PAWR: variants seen among roughly 807,000 people sequenced by gnomAD.
PAWR encodes pro-apoptotic WT1 regulator, also known as PRKC apoptosis WT1 regulator protein.
In PAWR, 23 loss-of-function variants were observed where a neutral mutation model predicts 32.0. The ratio of observed to expected loss-of-function variants is 0.72; its 90% CI spans 0.52 to 1.02. PAWR has a LOEUF of 1.02. Ranked by LOEUF, PAWR falls within the 50% of genes least tolerant of loss-of-function variation. PAWR has a pLI of 0.00. For missense variants in PAWR, 457 were observed against 437.7 expected (o/e 1.04, Z -0.39); for synonymous variants, 226 against 187.1 (o/e 1.21, Z -1.70).
Position 79,690,069 on chromosome 12 carries a change from C to T in PAWR, c.176G>A (p.Gly59Asp). 7.1e-7 allele frequency: 1 copy of T among 1,405,716 alleles called. No individual in the cohort carries two copies. The allele number at this position is 1,405,716 out of a possible 1,614,324, so 87.1% of individuals were successfully genotyped here. A position where few individuals can be genotyped will look rare whatever the true frequency, so the allele number is the denominator to read the frequency against. Reference protein sequence around the residue: ...AAGKPPAGALGTPAAAAANEL... With the variant: ...AAGKPPAGALDTPAAAAANEL... ...GTTGGCAGCGGCGGCCGCCGGGGTG[C>T]CCAGAGCCCCCGCGGGGGGCTTCCC... Residue 59 changes from glycine (G) to aspartate (D), a missense_variant, in exon 2 of 7, where the codon GGC (glycine) becomes GAC (aspartate). Coordinates refer to ENST00000328827, the MANE Select transcript of PAWR (RefSeq NM_002583.4).
chr12:79,603,101 A>G (rs1874025480), intron 4 of PAWR, among the ~76,000 whole-genome samples: 1 of 151,990 alleles, frequency 6.6e-6, no homozygotes. Flanking sequence ...ATAAAAAATT[A>G]GTCAGGCATG....
At position 79,590,856 on chromosome 12, in the gene PAWR, G is replaced by A. The variant is rs1236187085; in HGVS notation, c.*1751C>T. The A allele has an allele frequency of 6.6e-6, 1 of 152,110 alleles. No individual in the cohort carries two copies. The highest frequency in any genetic ancestry group is 6.6e-5 in the Admixed American group (1 of 15,264). 9.4% of individuals were successfully genotyped at this position (152,110 alleles called of 1,614,324 possible). A position where few individuals can be genotyped will look rare whatever the true frequency, so the allele number is the denominator to read the frequency against. Reference sequence around the variant, plus strand: ...GTAATTCTGTAACTATATTAAATTTGGTAATCTAACATTAAACTTTTTCGT... The same window carrying A: ...GTAATTCTGTAACTATATTAAATTTAGTAATCTAACATTAAACTTTTTCGT... On this transcript the variant is annotated 3_prime_UTR_variant, in exon 7 of 7. Transcript: ENST00000328827.
chr12:79,593,179 G>A (rs1313279622), intron 6 of PAWR, among the ~76,000 whole-genome samples: 1 of 152,102 alleles, frequency 6.6e-6, no homozygotes, highest in African/African-American at 2.4e-5. Flanking sequence ...GTGTACAATG[G>A]GGATAACACT....
At chr12:79,679,804 C>T (rs1432631851) in intron 2 of PAWR, among the ~76,000 whole-genome samples, 1 of 152,116 alleles carries the variant, frequency 6.6e-6, no homozygotes, top group African/African-American at 2.4e-5. Flanking sequence ...AACACTTTTC[C>T]AGCTCAAAAC....
At chr12:79,624,403 C>G (rs1875178274) in intron 2 of PAWR, among the ~76,000 whole-genome samples, 1 of 152,108 alleles carries the variant, frequency 6.6e-6, no homozygotes, top group South Asian at 2.1e-4. Context: ...GACAAATCAT[C>G]TTGGAGATGA....
In PAWR at chr12:79,689,588, C is replaced by T. The variant is rs181370700; in HGVS notation, c.516+141G>A. ...TTGTTCAGAGTAAAACTCCATCACC[C>T]CCTGCCTGCCTAACTCGGTGAAGGG... On this transcript the variant is annotated intron_variant, in intron 2 of 6. Transcript: ENST00000328827. The T allele has an allele frequency of 3.7e-4, 340 of 914,446 alleles. No individual in the cohort carries two copies. The African/African-American group carries it at 5.3e-3, about 14-fold the overall frequency. The allele number at this position is 914,446 out of a possible 1,614,324, so 56.6% of individuals were successfully genotyped here.
At chr12:79,661,922 A>G (rs1408767936) in intron 2 of PAWR, among the ~76,000 whole-genome samples, 2 of 152,150 alleles carry the variant, frequency 1.3e-5, no homozygotes, top group African/African-American at 4.8e-5. Context: ...AAAAATAAAT[A>G]AAAACATCTC....
At chr12:79,602,538 A>T (rs1024760281) in intron 4 of PAWR, among the ~76,000 whole-genome samples, 8 of 152,314 alleles carry the variant, frequency 5.3e-5, no homozygotes, top group African/African-American at 1.9e-4. Context: ...TAAACTCAAC[A>T]AGGCTTGGTG....
At chr12:79,597,367 A>G (rs1873803207) in intron 4 of PAWR, among the ~76,000 whole-genome samples, 1 of 152,166 alleles carries the variant, frequency 6.6e-6, no homozygotes, top group South Asian at 2.1e-4. Flanking sequence ...CCTGGCCTAG[A>G]TCGCCCAGAC....
chr12:79,594,461 T>A, intron 5 of PAWR, 28 bp from the exon 6 acceptor site: 1 of 1,053,676 alleles, frequency 9.5e-7, no homozygotes, highest in Non-Finnish European at 1.4e-6. Context: ...AAACCAGTAA[T>A]TAGGAAGTAA....
chr12:79,660,170 T>C lies in PAWR; in HGVS notation c.516+29559A>G, dbSNP rs138065108. Among the ~76,000 whole-genome samples, 323 of 152,310 alleles carry C rather than the reference T, an allele frequency of 2.1e-3. 1 individual carries two copies. The South Asian group carries it at 0.031, about 15-fold the overall frequency. ...AGCTTTCCAATCAGCTACAGTGAAC[T>C]GTCTAAAGTCTCTTACAAATTTATC... On this transcript the variant is annotated intron_variant, in intron 2 of 6. Transcript: ENST00000328827.
chr12:79,599,830 T>C (rs1418377783), intron 4 of PAWR, among the ~76,000 whole-genome samples: 1 of 152,198 alleles, frequency 6.6e-6, no homozygotes, highest in Non-Finnish European at 1.5e-5. Context: ...TTGTCATTTG[T>C]ATGCAGTTTT....
chr12:79,690,339 G>A lies in PAWR; in HGVS notation c.-95C>T, dbSNP rs1878950680. ...CCTTCCTGCGGCCCCGAGGATGCCA[G>A]GAGACGACCTCCAGGAGAGGGACGG... On this transcript the variant is annotated 5_prime_UTR_variant, in exon 2 of 7. Coordinates refer to ENST00000328827, the MANE Select transcript of PAWR (RefSeq NM_002583.4). 5.2e-6 allele frequency: 7 copies of A among 1,359,040 alleles called. No homozygotes were observed. Among genetic ancestry groups the A allele is most frequent in the Non-Finnish European group, 5.7e-6 (6 of 1,060,066 alleles). The allele number at this position is 1,359,040 out of a possible 1,614,324, so 84.2% of individuals were successfully genotyped here. A position where few individuals can be genotyped will look rare whatever the true frequency, so the allele number is the denominator to read the frequency against.
intron 2 of PAWR, among the ~76,000 whole-genome samples, chr12:79,640,730 G>C (rs1178596622): frequency 1.3e-5 from 2 of 152,150 alleles, no homozygotes; most frequent in Non-Finnish European, 1.5e-5. Flanking sequence ...CTGGGTGCCA[G>C]AGCAAGACCC....
At chr12:79,616,759 A>G (rs1204935087) in intron 3 of PAWR, among the ~76,000 whole-genome samples, 1 of 152,100 alleles carries the variant, frequency 6.6e-6, no homozygotes, top group Non-Finnish European at 1.5e-5. Context: ...AACATAACTC[A>G]GTAAGTTTTA....
rs1033655508 is a variant in PAWR at position 79,614,666 on chromosome 12, TC to T, written c.649-1058del. On this transcript the variant is annotated intron_variant, in intron 3 of 6. Transcript: ENST00000328827. ...TGTCTTTAAAAATTGATAACTTTTT[TC>T]CTAATTAATCATTAAGTTGCCAAGA... is the stretch of plus-strand genomic sequence containing the variant. Among the ~76,000 whole-genome samples the T allele has an allele frequency of 2.6e-5, 4 of 152,344 alleles. No individual in the cohort carries two copies. In the East Asian group the frequency reaches 7.7e-4, roughly 29 times the overall value.
At chr12:79,685,892 C>G (rs561121207) in intron 2 of PAWR, among the ~76,000 whole-genome samples, 2 of 152,060 alleles carry the variant, frequency 1.3e-5, no homozygotes, top group Non-Finnish European at 2.9e-5. Flanking sequence ...TACATACACA[C>G]AAAATACACA....
At chr12:79,673,802 CAACAACCACAAAAAGAATA>C (rs1565701412) in intron 2 of PAWR, among the ~76,000 whole-genome samples, 1 of 152,120 alleles carries the variant, frequency 6.6e-6, no homozygotes, top group Non-Finnish European at 1.5e-5. Context: ...ATCCCATTCA[CAACAACCACAAAAAGAATA>C]AAACACCTAG....
In PAWR at chr12:79,647,173, CAA is replaced by C. The variant is rs11319978; in HGVS notation, c.517-25968_517-25967del. Among the ~76,000 whole-genome samples, 55 of 82,362 alleles carry C rather than the reference CAA, an allele frequency of 6.7e-4. 1 individual carries two copies. The highest frequency in any genetic ancestry group is 8.9e-4 in the African/African-American group (28 of 31,296). 54.0% of individuals were successfully genotyped at this position (82,362 alleles called of 152,430 possible). A position where few individuals can be genotyped will look rare whatever the true frequency, so the allele number is the denominator to read the frequency against. On this transcript the variant is annotated intron_variant, in intron 2 of 6. Transcript: ENST00000328827. ...CTGGTGACAGAGCAAGACTCCATTTCAAAAAAAAAAAAAAAAAGAAAAGGAAA... is the reference window on the plus strand; with the variant it reads ...CTGGTGACAGAGCAAGACTCCATTTCAAAAAAAAAAAAAAAGAAAAGGAAA...
Sources: allele counts gnomAD v4.1 joint callset (sites outside exome capture counted in the v4.1 genomes callset), GRCh38; gene constraint gnomAD v4.1.1; transcripts MANE v1.5; gene names NCBI Gene and HGNC (gene_info 2026-07-23, HGNC 2026-07-21).